Variants in KIAA1549L observed in about 807,000 individuals in gnomAD.
The protein encoded by KIAA1549L is UPF0606 protein KIAA1549L.
Under a neutral mutation model 160.7 loss-of-function variants are expected in KIAA1549L, and 88 were observed. That is an observed-to-expected ratio of 0.55 (90% CI 0.46 to 0.65). The LOEUF (loss-of-function observed/expected upper bound fraction) is 0.65. Ranked by LOEUF, KIAA1549L falls within the 30% of genes least tolerant of loss-of-function variation. KIAA1549L has a pLI of 0.00. For synonymous variants in KIAA1549L, 950 were observed against 976.7 expected, an observed-to-expected ratio of 0.97 and a Z score of 0.51; for missense variants, 2,258 against 2,437.5, an observed-to-expected ratio of 0.93 and a Z score of 1.55.
At chr11:33,665,886 G>A (rs1852432468) in intron 20 of KIAA1549L, among the ~76,000 whole-genome samples, 1 of 152,206 alleles carries the variant, frequency 6.6e-6, no homozygotes, top group South Asian at 2.1e-4. Flanking sequence ...TTCCCAAGAT[G>A]CTGAGGATGC....
rs925930792 is a variant in KIAA1549L at position 33,376,262 on chromosome 11, C to T, written c.-390C>T. Among the ~76,000 whole-genome samples the T allele has an allele frequency of 6.7e-6, 1 of 148,356 alleles. No homozygotes were observed. Among genetic ancestry groups the T allele is most frequent in the Non-Finnish European group, 1.5e-5 (1 of 66,574 alleles). ...GCAGCGGCGGCGGGAGGGAGGGACC[C>T]GAGCGCGCCCCGCGGCCGCCACCCC... On this transcript the variant is annotated 5_prime_UTR_variant, in exon 1 of 21. Transcript: ENST00000658780. The surrounding 1 kb of genome is among the most constrained non-coding windows in gnomAD (Gnocchi z 5.8).
chr11:33,584,651 T>C (rs1362596328), intron 11 of KIAA1549L, among the ~76,000 whole-genome samples: 12 of 152,370 alleles, frequency 7.9e-5, no homozygotes, highest in East Asian at 1.9e-4. Flanking sequence ...AGCAGCCTTA[T>C]GAGGTAGCTC....
chr11:33,653,706 G>A (rs747907355), intron 17 of KIAA1549L, among the ~76,000 whole-genome samples: 2 of 151,884 alleles, frequency 1.3e-5, no homozygotes, highest in Non-Finnish European at 2.9e-5. Context: ...TTGGGACTTC[G>A]GTTAGCTGCA....
At chr11:33,409,022 G>A (rs1271281360) in intron 1 of KIAA1549L, among the ~76,000 whole-genome samples, 1 of 151,702 alleles carries the variant, frequency 6.6e-6, no homozygotes, top group Non-Finnish European at 1.5e-5. Flanking sequence ...TGCTTGTGTG[G>A]GGAAATATTC....
chr11:33,512,841 C>G (rs1853258593), intron 1 of KIAA1549L, among the ~76,000 whole-genome samples: 1 of 152,144 alleles, frequency 6.6e-6, no homozygotes, highest in Admixed American at 6.5e-5. Flanking sequence ...AGCAATTTGC[C>G]CAAGGTTACA....
chr11:33,512,673 G>A (rs190456882), intron 1 of KIAA1549L, among the ~76,000 whole-genome samples: 3 of 152,208 alleles, frequency 2.0e-5, no homozygotes, highest in East Asian at 3.9e-4. Flanking sequence ...CAACCTCCTC[G>A]GCTTCCTGAA....
At chr11:33,423,004 T>C (rs1243467510) in intron 1 of KIAA1549L, among the ~76,000 whole-genome samples, 2 of 152,162 alleles carry the variant, frequency 1.3e-5, no homozygotes, top group African/African-American at 4.8e-5. Flanking sequence ...GAAGTGTTAG[T>C]TGAGTGATGT....
intron 3 of KIAA1549L, among the ~76,000 whole-genome samples, chr11:33,546,746 T>G (rs1196186586): frequency 6.6e-6 from 1 of 152,172 alleles, no homozygotes; most frequent in Non-Finnish European, 1.5e-5. Flanking sequence ...GGGGATCTAT[T>G]CCGAGACCCC....
chr11:33,604,534 A>G (rs1850447288), intron 13 of KIAA1549L, among the ~76,000 whole-genome samples: 1 of 152,242 alleles, frequency 6.6e-6, no homozygotes, highest in South Asian at 2.1e-4. Context: ...ACAATTCACA[A>G]TTGCAAAGAT....
At chr11:33,382,991 GTTAC>G (rs1026127973) in intron 1 of KIAA1549L, among the ~76,000 whole-genome samples, 7 of 152,246 alleles carry the variant, frequency 4.6e-5, no homozygotes, top group Non-Finnish European at 7.4e-5. Context: ...AAAGTACAGT[GTTAC>G]TTGTACTTGG....
intron 8 of KIAA1549L, among the ~76,000 whole-genome samples, chr11:33,564,837 A>T (rs1854994521): frequency 6.6e-6 from 1 of 152,228 alleles, no homozygotes; most frequent in Admixed American, 6.5e-5. Context: ...TTTAGTGCTA[A>T]ATGTGTAGGA....
intron 10 of KIAA1549L, among the ~76,000 whole-genome samples, chr11:33,575,270 C>G (rs1281193479): frequency 6.6e-6 from 1 of 152,208 alleles, no homozygotes; most frequent in Non-Finnish European, 1.5e-5. Flanking sequence ...AGACCTGGCT[C>G]CTGCCCTTAA....
intron 11 of KIAA1549L, among the ~76,000 whole-genome samples, chr11:33,587,426 C>T (rs746489135): frequency 1.6e-4 from 24 of 152,148 alleles, no homozygotes; most frequent in African/African-American, 3.6e-4. Flanking sequence ...AGTAGTCCTG[C>T]GCCACTTAGC....
At chr11:33,517,811 AG>A (rs1346181704) in intron 1 of KIAA1549L, among the ~76,000 whole-genome samples, 1 of 152,068 alleles carries the variant, frequency 6.6e-6, no homozygotes, top group African/African-American at 2.4e-5. Context: ...CAGGAGCAAA[AG>A]GAGTGGAAGG....
At chr11:33,445,262 AAGCC>A (rs1409538819) in intron 1 of KIAA1549L, among the ~76,000 whole-genome samples, 1 of 152,214 alleles carries the variant, frequency 6.6e-6, no homozygotes, top group African/African-American at 2.4e-5. Flanking sequence ...AGAGGAGACA[AAGCC>A]AGCAGAACAG....
At chr11:33,478,136 G>C (rs563037138) in intron 1 of KIAA1549L, among the ~76,000 whole-genome samples, 29 of 152,312 alleles carry the variant, frequency 1.9e-4, no homozygotes, top group African/African-American at 5.8e-4. Flanking sequence ...CCAACCTAGC[G>C]ACATTAAAAT....
At chr11:33,556,704 G>T (rs141680329) in intron 6 of KIAA1549L, among the ~76,000 whole-genome samples, 2 of 152,286 alleles carry the variant, frequency 1.3e-5, no homozygotes, top group East Asian at 1.9e-4. Flanking sequence ...AATGGTGGCT[G>T]CCAGGGGTTG....
intron 1 of KIAA1549L, among the ~76,000 whole-genome samples, chr11:33,394,200 C>T (rs1850324197): frequency 6.6e-6 from 1 of 151,928 alleles, no homozygotes; most frequent in Non-Finnish European, 1.5e-5. Context: ...TGGTGAGGCC[C>T]CCTCTCTACC....
intron 11 of KIAA1549L, among the ~76,000 whole-genome samples, chr11:33,590,512 G>A (rs1850021510): frequency 6.6e-6 from 1 of 152,214 alleles, no homozygotes; most frequent in South Asian, 2.1e-4. Flanking sequence ...GCTGCCTTAT[G>A]CACTTGGGAT....
Sources: allele counts gnomAD v4.1 joint callset (sites outside exome capture counted in the v4.1 genomes callset), GRCh38; gene constraint gnomAD v4.1.1; non-coding constraint Gnocchi (gnomAD v3.1); transcripts MANE v1.5; gene names NCBI Gene and HGNC (gene_info 2026-07-23, HGNC 2026-07-21).